The following GRID1 variants were observed in gnomAD, a reference collection of about 807,000 sequenced individuals.
GRID1 encodes the protein glutamate ionotropic receptor delta type subunit 1, also known as glutamate receptor ionotropic, delta-1.
Under a neutral mutation model 98.0 loss-of-function variants are expected in GRID1, and 28 were observed. The observed-to-expected ratio is 0.29, with a 90% confidence interval of 0.21 to 0.39. The LOEUF (loss-of-function observed/expected upper bound fraction) is 0.39, where lower values mean the gene tolerates loss of function less well. Among genes scored for constraint, GRID1 ranks in the 10% least tolerant of loss-of-function variants. The pLI is 1.00. For synonymous variants in GRID1, 553 were observed against 538.5 expected (o/e 1.03, Z -0.37); for missense variants, 1,111 against 1,340.5 (o/e 0.83, Z 2.67).
At position 86,363,992 on chromosome 10, in the gene GRID1, A is replaced by G. The variant is rs746293365; in HGVS notation, c.184T>C (p.Tyr62His). Residue 62 changes from tyrosine (Y) to histidine (H), a missense_variant, in exon 2 of 16, where the codon TAC (tyrosine) becomes CAC (histidine). Tyr to His is a moderately conservative substitution (Grantham distance 83, BLOSUM62 2). Coordinates refer to ENST00000327946, the MANE Select transcript of GRID1 (RefSeq NM_017551.3). ...DDILQSEKIT[Y>H]SIKVIEANNP... is the part of the protein sequence containing the mutation. Reference sequence around the variant, plus strand: ...TTGGCCTCGATGACCTTGATGGAGTAGGTGATCTTCTCGCTCTGCAGGATG... The same window carrying G: ...TTGGCCTCGATGACCTTGATGGAGTGGGTGATCTTCTCGCTCTGCAGGATG... 2.5e-6 allele frequency: 4 copies of G among 1,614,048 alleles called. No homozygotes were observed. The East Asian group carries it at 6.7e-5, about 27-fold the overall frequency.
chr10:86,364,074 C>A lies in GRID1; in HGVS notation c.102G>T (p.Ala34=), dbSNP rs1190182885. The A allele has an allele frequency of 8.1e-6, 13 of 1,613,816 alleles. No individual in the cohort carries two copies. Among genetic ancestry groups the A allele is most frequent in the Middle Eastern group, 1.6e-4 (1 of 6,084 alleles). Residue 34 remains alanine (A), a synonymous_variant, in exon 2 of 16, where the codon GCG becomes GCT. Coordinates refer to ENST00000327946, the MANE Select transcript of GRID1 (RefSeq NM_017551.3). ...ACTGGAACACCCTGTCGTCCTTGGC[C>A]GCGTTCTCCTCGAAGATGGCACCTG... ...IHIGAIFEEN[A]AKDDRVFQLA...
intron 2 of GRID1, among the ~76,000 whole-genome samples, chr10:86,301,030 C>T (rs1343654208): frequency 6.6e-6 from 1 of 152,216 alleles, no homozygotes; most frequent in Non-Finnish European, 1.5e-5. Flanking sequence ...CTCTCTATTG[C>T]TAGTCCATAT....
chr10:85,634,272 C>G (rs1843009270), intron 13 of GRID1, among the ~76,000 whole-genome samples: 1 of 144,368 alleles, frequency 6.9e-6, no homozygotes, highest in African/African-American at 2.7e-5. Context: ...CTCTCTCTCT[C>G]TCTCTCTCTC....
intron 3 of GRID1, among the ~76,000 whole-genome samples, chr10:86,170,933 C>A (rs965577339): frequency 5.3e-5 from 8 of 152,050 alleles, no homozygotes; most frequent in Non-Finnish European, 1.5e-5. Flanking sequence ...GTTTACCCCC[C>A]ACGCTTCCTC....
At chr10:86,273,109 C>G (rs1490208982) in intron 2 of GRID1, among the ~76,000 whole-genome samples, 3 of 151,562 alleles carry the variant, frequency 2.0e-5, no homozygotes, top group Non-Finnish European at 2.9e-5. Context: ...TCCCCTTCCT[C>G]TGTCCATGTG....
chr10:86,354,952 CT>C (rs1022293031), intron 2 of GRID1, among the ~76,000 whole-genome samples: 2 of 152,224 alleles, frequency 1.3e-5, no homozygotes, highest in African/African-American at 4.8e-5. Flanking sequence ...AGCTGCACAT[CT>C]CCCCCGCCCT....
intron 3 of GRID1, among the ~76,000 whole-genome samples, chr10:86,142,858 A>T (rs1170751577): frequency 6.6e-6 from 1 of 152,116 alleles, no homozygotes; most frequent in Non-Finnish European, 1.5e-5. Context: ...ACCTAAAACC[A>T]TCTCAACCCA....
chr10:86,046,953 C>G (rs772124507), intron 4 of GRID1, among the ~76,000 whole-genome samples: 17 of 151,814 alleles, frequency 1.1e-4, no homozygotes, highest in Non-Finnish European at 2.1e-4. Context: ...TGCAGGGCAG[C>G]AAAAAGGCCA....
chr10:85,647,355 G>T lies in GRID1; in HGVS notation c.2040C>A (p.Gly680=), dbSNP rs1432105958. The change falls in exon 13 of 16, where the codon GGC becomes GGA. Residue 680 remains glycine, a synonymous_variant. Transcript: ENST00000327946. ...CATATACAGCAGAATCCCGGACAGT[G>T]CCATAAGACATTTCCACTTGTTTGG... ...DLSKQVEMSY[G]TVRDSAVYEY... 2.5e-6 allele frequency: 4 copies of T among 1,614,082 alleles called. No homozygotes were observed. In the Admixed American group the frequency reaches 6.7e-5, roughly 27 times the overall value.
At chr10:85,925,210 C>T (rs1471016547) in intron 4 of GRID1, among the ~76,000 whole-genome samples, 1 of 152,162 alleles carries the variant, frequency 6.6e-6, no homozygotes, top group Admixed American at 6.5e-5. Context: ...AAATAAGGCC[C>T]CCCATGTTCT....
At chr10:85,921,220 C>T (rs75681611) in intron 4 of GRID1, among the ~76,000 whole-genome samples, 1 of 152,208 alleles carries the variant, frequency 6.6e-6, no homozygotes, top group African/African-American at 2.4e-5. Flanking sequence ...AGTGTCCACA[C>T]GTGTGTTGAC....
chr10:85,841,625 A>T (rs1247450637), intron 8 of GRID1, among the ~76,000 whole-genome samples: 1 of 152,198 alleles, frequency 6.6e-6, no homozygotes, highest in African/African-American at 2.4e-5. Context: ...AAGGAACTTA[A>T]ACAAATTTAT....
At chr10:85,972,525 G>A (rs757890086) in intron 4 of GRID1, among the ~76,000 whole-genome samples, 1 of 148,182 alleles carries the variant, frequency 6.7e-6, no homozygotes, top group Admixed American at 6.7e-5. Flanking sequence ...TCACTACATA[G>A]GTATAATTCT....
At chr10:86,107,233 G>C (rs111690343) in intron 4 of GRID1, among the ~76,000 whole-genome samples, 1 of 152,222 alleles carries the variant, frequency 6.6e-6, no homozygotes, top group Admixed American at 6.5e-5. Context: ...CTCACTGCCC[G>C]ATAGCTGCTC....
chr10:86,098,065 T>C (rs7923809), intron 4 of GRID1, among the ~76,000 whole-genome samples: 19,689 of 152,240 alleles, frequency 0.13, 1,918 homozygotes, highest in African/African-American at 0.27. Flanking sequence ...TAAGTAGTTC[T>C]TTGACTCAGT....
intron 13 of GRID1, among the ~76,000 whole-genome samples, chr10:85,622,617 G>A (rs1842870372): frequency 1.3e-5 from 2 of 152,160 alleles, no homozygotes; most frequent in Non-Finnish European, 2.9e-5. Flanking sequence ...CAAAGCAGGA[G>A]CACCTGGAGA....
chr10:86,197,335 A>C lies in GRID1; in HGVS notation c.520+9029T>G, dbSNP rs985540151. Among the ~76,000 whole-genome samples the C allele has an allele frequency of 3.3e-5, 5 of 152,150 alleles. No homozygotes were observed. The South Asian group carries it at 6.2e-4, about 19-fold the overall frequency. On this transcript the variant is annotated intron_variant, in intron 3 of 15. Transcript: ENST00000327946. ...GTTGTGCCGGGCACGCTCATGGAGCAGCAAGGAGCCGGAGCTGGAAGGCAG... is the reference window on the plus strand; with the variant it reads ...GTTGTGCCGGGCACGCTCATGGAGCCGCAAGGAGCCGGAGCTGGAAGGCAG...
chr10:86,312,516 C>T (rs546760305), intron 2 of GRID1, among the ~76,000 whole-genome samples: 39 of 152,306 alleles, frequency 2.6e-4, no homozygotes, highest in African/African-American at 7.9e-4. Context: ...TCTGCCTCCC[C>T]GAAGTCCATG....
intron 2 of GRID1, among the ~76,000 whole-genome samples, chr10:86,208,136 G>C (rs1846059944): frequency 6.6e-6 from 1 of 152,162 alleles, no homozygotes; most frequent in Non-Finnish European, 1.5e-5. Flanking sequence ...GGAACATGTG[G>C]GAAGGGGAGG....
Sources: gnomAD v4.1 joint callset for allele counts (sites outside exome capture counted in the v4.1 genomes callset) on GRCh38, gnomAD v4.1.1 for gene constraint, MANE v1.5 for transcripts, NCBI Gene and HGNC (gene_info 2026-07-23, HGNC 2026-07-21) for gene names.